Variants in ANK2 observed in about 807,000 individuals in gnomAD.
ANK2 encodes ankyrin 2.
A neutral mutation model predicts 360.5 loss-of-function variants in ANK2; 83 were observed. That is an observed-to-expected ratio of 0.23 (90% confidence interval 0.19 to 0.28). The LOEUF (loss-of-function observed/expected upper bound fraction) is 0.28. ANK2 is among the 10% of genes least tolerant of loss of function. ANK2 has a pLI of 1.00. For missense variants in ANK2, 4,201 were observed against 4,795.7 expected (o/e 0.88, Z 3.66); for synonymous variants, 1,740 against 1,759.5 (o/e 0.99, Z 0.28).
chr4:113,268,322 T>C (rs2057064662), intron 14 of ANK2, among the ~76,000 whole-genome samples: 1 of 152,220 alleles, frequency 6.6e-6, no homozygotes, highest in South Asian at 2.1e-4. Context: ...CATTCTTGTC[T>C]TGTGCAGCTT....
chr4:113,108,465 A>G (rs2093914467), intron 1 of ANK2, among the ~76,000 whole-genome samples: 1 of 152,196 alleles, frequency 6.6e-6, no homozygotes, highest in Non-Finnish European at 1.5e-5. Context: ...TAGGATCAAA[A>G]GGTTTGGGAT....
chr4:113,033,836 C>A (rs537155426), intron 2 of ANK2: 1 of 152,132 alleles, frequency 6.6e-6, no homozygotes, highest in Admixed American at 6.6e-5. Flanking sequence ...TTCTCTCCTT[C>A]TACATTGCCT....
intron 2 of ANK2, among the ~76,000 whole-genome samples, chr4:112,978,881 G>T (rs189153226): frequency 1.3e-5 from 2 of 152,172 alleles, no homozygotes; most frequent in African/African-American, 2.4e-5. Context: ...TGTGCTCAGG[G>T]TGCTGTTACT....
rs571491121 is a variant in ANK2, at chr4:112,956,590, G to T, written c.21+52076G>T. Among the ~76,000 whole-genome samples the T allele has an allele frequency of 4.6e-5, 7 of 152,334 alleles. No individual in the cohort carries two copies. The South Asian group carries it at 1.4e-3, about 32-fold the overall frequency. Reference sequence around the variant, plus strand: ...ACAGCGTGGATCTGCTGGACAAAAGGATAATTCATGTCCTAAGCAGCATGA... The same window carrying T: ...ACAGCGTGGATCTGCTGGACAAAAGTATAATTCATGTCCTAAGCAGCATGA... On this transcript the variant is annotated intron_variant, in intron 2 of 30. Transcript: ENST00000503271.
At chr4:112,823,795 C>A (rs1292385288) in intron 1 of ANK2, among the ~76,000 whole-genome samples, 1 of 152,218 alleles carries the variant, frequency 6.6e-6, no homozygotes, top group African/African-American at 2.4e-5. Flanking sequence ...GGGCTCTCAG[C>A]CCATCCATCT....
At chr4:112,755,021 G>A in the ANK2 span, among the ~76,000 whole-genome samples, 2 of 152,190 alleles carry the variant, frequency 1.3e-5, no homozygotes, top group African/African-American at 4.8e-5. Context: ...CATCTTAGAA[G>A]TAGCTAATAT....
intron 2 of ANK2, among the ~76,000 whole-genome samples, chr4:113,003,555 A>G (rs917814561): frequency 5.3e-5 from 8 of 152,242 alleles, no homozygotes; most frequent in African/African-American, 1.9e-4. Context: ...TCAATGCAAC[A>G]GAAGAGAAAG....
chr4:113,255,761 T>C lies in ANK2; in HGVS notation c.1017T>C (p.Ala339=). 1.2e-6 allele frequency: 2 copies of C among 1,614,214 alleles called. No homozygotes were observed. The highest frequency in any genetic ancestry group is 1.7e-6 in the Non-Finnish European group (2 of 1,180,032). Residue 339 remains alanine, a synonymous_variant, in exon 11 of 46, where the codon GCT becomes GCC. Coordinates refer to ENST00000357077, the MANE Select transcript of ANK2 (RefSeq NM_001148.6). The part of the protein sequence containing the change: ...TKNGLSPLHM[A]AQGDHVECVK... Reference sequence around the variant, plus strand: ...ATGGGCTGTCTCCACTACACATGGCTGCCCAGGGAGACCACGTGGAATGTG... The same window carrying C: ...ATGGGCTGTCTCCACTACACATGGCCGCCCAGGGAGACCACGTGGAATGTG...
intron 9 of ANK2, among the ~76,000 whole-genome samples, chr4:113,242,786 A>G (rs1486727918): frequency 6.6e-6 from 1 of 152,200 alleles, no homozygotes; most frequent in African/African-American, 2.4e-5. Flanking sequence ...TGTCATTTCA[A>G]GTTTGCAGTA....
At chr4:113,302,361 G>A (rs112390392) in intron 22 of ANK2, among the ~76,000 whole-genome samples, 26 of 152,170 alleles carry the variant, frequency 1.7e-4, no homozygotes, top group African/African-American at 6.0e-4. Flanking sequence ...CTTTTCTAAT[G>A]GCTTTGCTTT....
intron 1 of ANK2, among the ~76,000 whole-genome samples, chr4:113,075,725 T>A (rs926915503): frequency 6.6e-6 from 1 of 152,198 alleles, no homozygotes; most frequent in African/African-American, 2.4e-5. Flanking sequence ...GCAGAATATT[T>A]TATGGATGGG....
intron 1 of ANK2, among the ~76,000 whole-genome samples, chr4:113,085,464 C>A (rs897417599): frequency 1.1e-4 from 16 of 151,954 alleles, no homozygotes; most frequent in Non-Finnish European, 1.9e-4. Context: ...TGCCACCATG[C>A]CCAGCTAGTT....
intron 1 of ANK2, among the ~76,000 whole-genome samples, chr4:113,079,800 T>G (rs7694725): frequency 6.6e-6 from 1 of 151,872 alleles, no homozygotes; most frequent in African/African-American, 2.4e-5. Context: ...ATTACCCAAA[T>G]TCAATAAAGC....
chr4:113,097,875 TGCACACACACACACACGCACACACAC>T (rs1562040883), intron 1 of ANK2, among the ~76,000 whole-genome samples: 41 of 109,184 alleles, frequency 3.8e-4, no homozygotes, highest in African/African-American at 8.1e-4. Flanking sequence ...TGTATATATA[TGCACACACACACACACGCACACACAC>T]ATATATATGT....
At chr4:112,786,811 C>T in the ANK2 span, among the ~76,000 whole-genome samples, 6 of 148,420 alleles carry the variant, frequency 4.0e-5, no homozygotes, top group African/African-American at 1.3e-4. Context: ...TGCAGTGGCA[C>T]GATCTCAGCT....
intron 4 of ANK2, among the ~76,000 whole-genome samples, chr4:113,200,583 A>G (rs2098815301): frequency 6.6e-6 from 1 of 151,982 alleles, no homozygotes; most frequent in Admixed American, 6.6e-5. Context: ...GCTGTATTTG[A>G]CTTTCTGTTT....
rs911077953 is a variant in ANK2 at position 113,318,534 on chromosome 4, G to A, written c.2814G>A (p.Lys938=). The A allele has an allele frequency of 1.2e-6, 2 of 1,613,676 alleles. No homozygotes were observed. The highest frequency in any genetic ancestry group is 4.5e-5 in the East Asian group (2 of 44,842). ...IPSHQVSTLA[K]EAERNSYRLS... ...GTGTTTAGGTGTCAACTCTAGCCAA[G>A]GAGGCAGAAAGGAATTCTTATCGCC... The change falls in exon 26 of 46, where the codon AAG becomes AAA. Residue 938 remains lysine (K), a synonymous_variant. Coordinates refer to ENST00000357077, the MANE Select transcript of ANK2 (RefSeq NM_001148.6).
chr4:113,061,083 T>C (rs2073101099), intron 1 of ANK2, among the ~76,000 whole-genome samples: 1 of 152,136 alleles, frequency 6.6e-6, no homozygotes, highest in Admixed American at 6.6e-5. Flanking sequence ...CAGTCAGGCA[T>C]TTGTTTACTG....
chr4:112,823,292 G>T (rs150718976), intron 1 of ANK2, among the ~76,000 whole-genome samples: 65 of 152,314 alleles, frequency 4.3e-4, no homozygotes, highest in African/African-American at 1.5e-3. Context: ...GGAGAAATTA[G>T]TTCTGGTGGC....
Sources: allele counts gnomAD v4.1 joint callset (sites outside exome capture counted in the v4.1 genomes callset), GRCh38; gene constraint gnomAD v4.1.1; transcripts MANE v1.5; gene names NCBI Gene and HGNC (gene_info 2026-07-23, HGNC 2026-07-21).